QKI: variants seen among roughly 807,000 people sequenced by gnomAD.
QKI encodes the protein QKI, KH domain containing RNA binding.
In QKI, 10 loss-of-function variants were observed where a neutral mutation model predicts 39.0. The ratio of observed to expected loss-of-function variants is 0.26; its 90% confidence interval spans 0.16 to 0.43. The LOEUF is 0.43. QKI is among the 20% of genes least tolerant of loss of function. The pLI is 1.00. For synonymous variants in QKI, 204 were observed against 155.4 expected, an observed-to-expected ratio of 1.31 and a Z score of -2.33; for missense variants, 218 against 428.0, an observed-to-expected ratio of 0.51 and a Z score of 4.33.
At chr6:163,499,314 G>A (rs1778603256) in intron 3 of QKI, among the ~76,000 whole-genome samples, 1 of 152,076 alleles carries the variant, frequency 6.6e-6, no homozygotes, top group Admixed American at 6.6e-5. Context: ...GTAATATTTA[G>A]ATAGGCCACT....
intron 1 of QKI, among the ~76,000 whole-genome samples, chr6:163,417,423 G>A (rs1367397273): frequency 6.6e-6 from 1 of 152,058 alleles, no homozygotes; most frequent in African/African-American, 2.4e-5. Flanking sequence ...TTCACCTTAT[G>A]TATACTATTT....
chr6:163,524,446 A>G (rs1030343467), intron 3 of QKI, among the ~76,000 whole-genome samples: 10 of 151,850 alleles, frequency 6.6e-5, no homozygotes, highest in African/African-American at 1.7e-4. Context: ...ATCCCTTCCC[A>G]GTATTTCTGT....
intron 4 of QKI, among the ~76,000 whole-genome samples, chr6:163,540,918 T>C (rs537998072): frequency 8.5e-5 from 13 of 152,220 alleles, no homozygotes; most frequent in Middle Eastern, 3.4e-3. Flanking sequence ...TAGAGTTTTA[T>C]CAATTTTATC....
At position 163,570,875 on chromosome 6, in the gene QKI, T is replaced by TA; in HGVS notation, c.*165_*166insA. The TA allele has an allele frequency of 5.0e-6, 5 of 1,000,152 alleles. No homozygotes were observed. The highest frequency in any genetic ancestry group is 7.1e-6 in the Non-Finnish European group (5 of 702,638). The allele number at this position is 1,000,152 out of a possible 1,614,324, so 62.0% of individuals were successfully genotyped here. On this transcript the variant is annotated 3_prime_UTR_variant, in exon 8 of 8. Coordinates refer to ENST00000361752, the MANE Select transcript of QKI (RefSeq NM_006775.3). ...TCTAACCAAACAAAAGACAAAGAAA[T>TA]TGTTGTCCTCCAACTCAGCTTTTTT...
intron 1 of QKI, among the ~76,000 whole-genome samples, chr6:163,425,666 T>C (rs1788351005): frequency 6.6e-6 from 1 of 152,220 alleles, no homozygotes; most frequent in African/African-American, 2.4e-5. Flanking sequence ...TTAAAGATTT[T>C]TTAAATTTTG....
At chr6:163,463,932 C>CT (rs984209200) in intron 2 of QKI, among the ~76,000 whole-genome samples, 5 of 152,118 alleles carry the variant, frequency 3.3e-5, no homozygotes, top group African/African-American at 1.2e-4. Context: ...TTTTTCTTCC[C>CT]TGTAACACTT....
At chr6:163,557,539 GTGGT>G (rs1782709321) in intron 4 of QKI, among the ~76,000 whole-genome samples, 1 of 152,114 alleles carries the variant, frequency 6.6e-6, no homozygotes, top group Non-Finnish European at 1.5e-5. Flanking sequence ...GCTGGGAAGA[GTGGT>G]TGGGAGGGCA....
intron 1 of QKI, among the ~76,000 whole-genome samples, chr6:163,432,751 A>G (rs1788940159): frequency 6.6e-6 from 1 of 152,166 alleles, no homozygotes; most frequent in South Asian, 2.1e-4. Context: ...ATAATGTGAT[A>G]AAAGTCTAAG....
chr6:163,426,417 A>G (rs1180016930), intron 1 of QKI, among the ~76,000 whole-genome samples: 1 of 152,214 alleles, frequency 6.6e-6, no homozygotes, highest in Non-Finnish European at 1.5e-5. Flanking sequence ...ATCAGGAGGC[A>G]CAGTAACTGG....
chr6:163,486,933 G>A (rs188668688), intron 3 of QKI, among the ~76,000 whole-genome samples: 8 of 152,312 alleles, frequency 5.3e-5, no homozygotes, highest in African/African-American at 1.9e-4. Context: ...AGCATTCATA[G>A]TGATATGCAA....
At chr6:163,496,706 T>C (rs1243990657) in intron 3 of QKI, among the ~76,000 whole-genome samples, 4 of 152,188 alleles carry the variant, frequency 2.6e-5, no homozygotes, top group Non-Finnish European at 5.9e-5. Flanking sequence ...TCCTCGAACA[T>C]ACACATGCTC....
At chr6:163,467,463 T>A (rs1484846746) in intron 2 of QKI, among the ~76,000 whole-genome samples, 1 of 152,214 alleles carries the variant, frequency 6.6e-6, no homozygotes, top group Non-Finnish European at 1.5e-5. Context: ...CAGTTACTAT[T>A]TCCACTTTCT....
chr6:163,495,125 C>T (rs892023499), intron 3 of QKI, among the ~76,000 whole-genome samples: 10 of 151,992 alleles, frequency 6.6e-5, no homozygotes, highest in Admixed American at 2.0e-4. Context: ...CAGTTGGCCA[C>T]GCTGGTCTCG....
At chr6:163,507,426 T>C (rs1311383137) in intron 3 of QKI, among the ~76,000 whole-genome samples, 1 of 152,140 alleles carries the variant, frequency 6.6e-6, no homozygotes, top group Non-Finnish European at 1.5e-5. Context: ...GAGTCTGAAA[T>C]AGAGTTGGTC....
chr6:163,509,248 CAT>C (rs1779289117), intron 3 of QKI, among the ~76,000 whole-genome samples: 1 of 152,040 alleles, frequency 6.6e-6, no homozygotes, highest in African/African-American at 2.4e-5. Flanking sequence ...GAAAGAAAGC[CAT>C]TTTGAAATGA....
In QKI at chr6:163,576,033, T is replaced by G. The variant is rs1342232658; in HGVS notation, c.*5323T>G. 6.6e-6 allele frequency: 1 copy of G among 152,186 alleles called. No individual in the cohort carries two copies. Among genetic ancestry groups the G allele is most frequent in the Non-Finnish European group, 1.5e-5 (1 of 68,024 alleles). 9.4% of individuals were successfully genotyped at this position (152,186 alleles called of 1,614,324 possible). A position where few individuals can be genotyped will look rare whatever the true frequency, so the allele number is the denominator to read the frequency against. On this transcript the variant is annotated 3_prime_UTR_variant, in exon 8 of 8. Coordinates refer to ENST00000361752, the MANE Select transcript of QKI (RefSeq NM_006775.3). ...TTAGCAAAAATTATTCTCCAACTTTTCGAATTCACAATTTTTCTAAGTGCA... is the reference window on the plus strand; with the variant it reads ...TTAGCAAAAATTATTCTCCAACTTTGCGAATTCACAATTTTTCTAAGTGCA...
At chr6:163,525,190 C>A (rs1215273801) in intron 3 of QKI, among the ~76,000 whole-genome samples, 1 of 152,066 alleles carries the variant, frequency 6.6e-6, no homozygotes, top group Non-Finnish European at 1.5e-5. Context: ...CTGCCACTCT[C>A]AACATCAGTA....
At chr6:163,457,634 ATTTTTT>A in intron 2 of QKI, 1 of 270,204 alleles carries the variant, frequency 3.7e-6, no homozygotes, top group African/African-American at 2.4e-5. Context: ...CACTCCTCTA[ATTTTTT>A]TTTTTTTTTT....
Position 163,563,536 on chromosome 6 carries a change from A to G in QKI, c.751A>G (p.Ile251Val), listed in dbSNP as rs909597466. 1.9e-6 allele frequency: 3 copies of G among 1,614,062 alleles called. No homozygotes were observed. The highest frequency in any genetic ancestry group is 1.7e-5 in the Admixed American group (1 of 60,004). Reference protein sequence around the residue: ...LRTPTPAGPTIMPLIRQIQTA... With the variant: ...LRTPTPAGPTVMPLIRQIQTA... The stretch of plus-strand genomic sequence containing the variant: ...TACTCCTACGCCAGCTGGCCCTACC[A>G]TAATGCCTTTGATCAGACAAATACA... Residue 251 changes from isoleucine (I) to valine (V), a missense_variant, in exon 6 of 8, where the codon ATA (isoleucine) becomes GTA (valine). Coordinates refer to ENST00000361752, the MANE Select transcript of QKI (RefSeq NM_006775.3).
Sources: gnomAD v4.1 joint callset for allele counts (sites outside exome capture counted in the v4.1 genomes callset) on GRCh38, gnomAD v4.1.1 for gene constraint, MANE v1.5 for transcripts, NCBI Gene and HGNC (gene_info 2026-07-23, HGNC 2026-07-21) for gene names.